The following CELF4 variants were observed in gnomAD, a reference collection of about 807,000 sequenced individuals.
CELF4 encodes the protein CUG-BP- and ETR-3-like factor 4.
A neutral mutation model predicts 59.9 loss-of-function variants in CELF4; 18 were observed. The ratio of observed to expected loss-of-function variants is 0.30; its 90% CI spans 0.21 to 0.45. The LOEUF (loss-of-function observed/expected upper bound fraction) is 0.45. Ranked by LOEUF, CELF4 falls within the 20% of genes least tolerant of loss-of-function variation. The pLI, the probability that CELF4 is intolerant of heterozygous loss-of-function variation, is 1.00. For missense variants in CELF4, 456 were observed against 689.0 expected, an observed-to-expected ratio of 0.66 and a Z score of 3.79; for synonymous variants, 261 against 267.1, an observed-to-expected ratio of 0.98 and a Z score of 0.22.
At chr18:37,270,396 T>A (rs2090589491) in intron 8 of CELF4, among the ~76,000 whole-genome samples, 2 of 152,220 alleles carry the variant, frequency 1.3e-5, no homozygotes, top group South Asian at 4.1e-4. Context: ...CTAACCCTGA[T>A]TGTTCTTCTA....
At chr18:37,551,304 G>T (rs2099983104) in intron 1 of CELF4, among the ~76,000 whole-genome samples, 1 of 152,174 alleles carries the variant, frequency 6.6e-6, no homozygotes, top group African/African-American at 2.4e-5. Flanking sequence ...AGCCCCAAAG[G>T]CCACCTCAGC....
At chr18:37,495,389 C>T (rs2099924055) in intron 1 of CELF4, among the ~76,000 whole-genome samples, 1 of 152,178 alleles carries the variant, frequency 6.6e-6, no homozygotes, top group South Asian at 2.1e-4. Context: ...CTGCCTCACT[C>T]CTTCCACCCT....
At chr18:37,449,169 G>A (rs965221924) in intron 2 of CELF4, among the ~76,000 whole-genome samples, 3 of 152,144 alleles carry the variant, frequency 2.0e-5, no homozygotes, top group Non-Finnish European at 4.4e-5. Context: ...ATGGCTTCAG[G>A]ATTGGAGATC....
At chr18:37,258,559 C>T (rs2071791323) in intron 11 of CELF4, among the ~76,000 whole-genome samples, 1 of 152,208 alleles carries the variant, frequency 6.6e-6, no homozygotes, top group African/African-American at 2.4e-5. Flanking sequence ...CTCAACAATG[C>T]CCAGCTCTGG....
At chr18:37,308,479 T>C (rs369766906) in intron 3 of CELF4, among the ~76,000 whole-genome samples, 32 of 152,258 alleles carry the variant, frequency 2.1e-4, no homozygotes, top group African/African-American at 7.7e-4. Context: ...CCATGCAGGA[T>C]GTGCTGTCTC....
At chr18:37,410,641 CG>C (rs2099437656) in intron 2 of CELF4, among the ~76,000 whole-genome samples, 2 of 152,186 alleles carry the variant, frequency 1.3e-5, no homozygotes, top group African/African-American at 4.8e-5. Flanking sequence ...TTGGGGTAGA[CG>C]GATGTGGCAT....
chr18:37,462,569 G>A (rs1032891627), intron 2 of CELF4, among the ~76,000 whole-genome samples: 1 of 152,186 alleles, frequency 6.6e-6, no homozygotes, highest in Non-Finnish European at 1.5e-5. Context: ...TCCATGAGTC[G>A]CTGTTGCAGT....
chr18:37,390,802 C>CGGAGGTGGGGGGGG (rs139992661), intron 2 of CELF4, among the ~76,000 whole-genome samples: 1 of 57,842 alleles, frequency 1.7e-5, no homozygotes, highest in Non-Finnish European at 3.2e-5. Flanking sequence ...GGTGATGGGG[C>CGGAGGTGGGGGGGG]GGGGAGGGGG....
At chr18:37,486,171 G>A (rs1035028624) in intron 1 of CELF4, 3 of 152,254 alleles carry the variant, frequency 2.0e-5, no homozygotes, top group African/African-American at 7.2e-5. Context: ...CCCAACCCCT[G>A]TTGTTTGATT....
intron 3 of CELF4, among the ~76,000 whole-genome samples, chr18:37,317,983 C>T (rs1023197832): frequency 2.6e-5 from 4 of 152,206 alleles, no homozygotes; most frequent in Admixed American, 2.0e-4. Context: ...CTGTGCTGGG[C>T]GAGGTGGAGA....
chr18:37,276,610 G>A (rs1486961476), intron 3 of CELF4: 4 of 152,068 alleles, frequency 2.6e-5, no homozygotes, highest in East Asian at 1.9e-4. Flanking sequence ...ATGAGTCCTC[G>A]GATAATTCCA....
chr18:37,488,964 A>G (rs1157447195), intron 1 of CELF4, among the ~76,000 whole-genome samples: 1 of 152,204 alleles, frequency 6.6e-6, no homozygotes, highest in African/African-American at 2.4e-5. Flanking sequence ...GGGGAGACCT[A>G]CTTGCCAGTG....
chr18:37,422,743 G>A (rs771008216), intron 2 of CELF4, among the ~76,000 whole-genome samples: 2 of 152,172 alleles, frequency 1.3e-5, no homozygotes, highest in African/African-American at 2.4e-5. Context: ...TGTTACATTC[G>A]TGGCCATAGG....
chr18:37,474,883 G>A (rs753090134), intron 2 of CELF4, among the ~76,000 whole-genome samples: 1 of 152,204 alleles, frequency 6.6e-6, no homozygotes, highest in African/African-American at 2.4e-5. Flanking sequence ...CTTCCAGCTC[G>A]AGGGCTTCCT....
At chr18:37,530,940 C>T (rs79679601) in intron 1 of CELF4, among the ~76,000 whole-genome samples, 46 of 148,598 alleles carry the variant, frequency 3.1e-4, no homozygotes, top group Non-Finnish European at 5.5e-4. Flanking sequence ...TGGTCCAGGT[C>T]GTGGAACCCT....
rs549760838 is a variant in CELF4, at chr18:37,353,493, G to A, written c.370-31612C>T. On this transcript the variant is annotated intron_variant, in intron 2 of 12. Coordinates refer to ENST00000420428, the MANE Select transcript of CELF4 (RefSeq NM_020180.4). Reference sequence around the variant, plus strand: ...AGAACCAATTGGAACATCCTGCAAAGGGCTTGGAGGCAGCTGGCAGCAATA... The same window carrying A: ...AGAACCAATTGGAACATCCTGCAAAAGGCTTGGAGGCAGCTGGCAGCAATA... Among the ~76,000 whole-genome samples, 26 of 151,456 alleles carry A rather than the reference G, an allele frequency of 1.7e-4. No homozygotes were observed. In the South Asian group the frequency reaches 5.5e-3, roughly 32 times the overall value.
intron 2 of CELF4, among the ~76,000 whole-genome samples, chr18:37,380,817 A>ATCCATCCATCCT (rs2099030618): frequency 6.6e-6 from 1 of 150,460 alleles, no homozygotes; most frequent in African/African-American, 2.4e-5. Context: ...CCATCCATCC[A>ATCCATCCATCCT]TCCATCATCT....
At chr18:37,320,604 G>A (rs1227884854) in intron 3 of CELF4, among the ~76,000 whole-genome samples, 3 of 152,190 alleles carry the variant, frequency 2.0e-5, no homozygotes, top group Non-Finnish European at 4.4e-5. Flanking sequence ...ATGGTGGAGA[G>A]GACAGAGTCT....
intron 1 of CELF4, among the ~76,000 whole-genome samples, chr18:37,493,772 C>T (rs2099919490): frequency 6.6e-6 from 1 of 152,176 alleles, no homozygotes; most frequent in Non-Finnish European, 1.5e-5. Context: ...GTGCTGGAAT[C>T]TCCCCCTTGG....
Sources: allele counts gnomAD v4.1 joint callset (sites outside exome capture counted in the v4.1 genomes callset), GRCh38; gene constraint gnomAD v4.1.1; transcripts MANE v1.5; gene names NCBI Gene and HGNC (gene_info 2026-07-23, HGNC 2026-07-21).